Variants in PCDHGB3 observed in about 807,000 individuals in gnomAD.
PCDHGB3 encodes protocadherin gamma subfamily B, 3.
PCDHGB3 carries 40 observed loss-of-function variants against 59.2 expected under a neutral mutation model. The observed-to-expected ratio is 0.68, with a 90% CI of 0.52 to 0.88. The LOEUF is 0.88. Among genes scored for constraint, PCDHGB3 ranks in the 40% least tolerant of loss-of-function variants. The pLI is 0.00. For synonymous variants in PCDHGB3, 581 were observed against 503.6 expected (o/e 1.15, Z -2.06); for missense variants, 1,309 against 1,187.9 (o/e 1.10, Z -1.50).
At chr5:141,373,075 G>T (rs1337771380) in intron 1 of PCDHGB3, among the ~76,000 whole-genome samples, 1 of 152,076 alleles carries the variant, frequency 6.6e-6, no homozygotes, top group Non-Finnish European at 1.5e-5. Flanking sequence ...TTTTAATACA[G>T]TATTATCTCA....
intron 1 of PCDHGB3, chr5:141,388,052 C>T (rs777475213): frequency 7.2e-7 from 1 of 1,394,236 alleles, no homozygotes; most frequent in Non-Finnish European, 9.8e-7. Flanking sequence ...ACCTGGGGTT[C>T]AGCGTCCAGG....
At chr5:141,410,005 C>T (rs1009148964) in intron 1 of PCDHGB3, 16 of 1,613,172 alleles carry the variant, frequency 9.9e-6, no homozygotes, top group Non-Finnish European at 1.3e-5. Context: ...CGGGACACAA[C>T]GCCTGGCTGT....
intron 1 of PCDHGB3, chr5:141,423,577 G>A (rs1348410879): frequency 6.2e-7 from 1 of 1,613,478 alleles, no homozygotes; most frequent in Non-Finnish European, 8.5e-7. Context: ...CATCAGCCAG[G>A]AGAGCTGTGA....
intron 1 of PCDHGB3, chr5:141,433,307 C>T (rs982853368): frequency 2.2e-6 from 2 of 913,640 alleles, no homozygotes; most frequent in Admixed American, 2.7e-5. Context: ...AATTATCCCA[C>T]CTTTGCCTCC....
intron 1 of PCDHGB3, chr5:141,428,732 T>C (rs976924838): frequency 1.3e-5 from 2 of 159,284 alleles, no homozygotes; most frequent in African/African-American, 4.8e-5. Context: ...CTTAAACATA[T>C]TATATCTACT....
rs2154584583 is a variant in PCDHGB3, at chr5:141,490,717, A to G, written c.2416-4090A>G. The G allele has an allele frequency of 6.2e-7, 1 of 1,613,972 alleles. No individual in the cohort carries two copies. Among genetic ancestry groups the G allele is most frequent in the Non-Finnish European group, 8.5e-7 (1 of 1,179,936 alleles). On this transcript the variant is annotated intron_variant, in intron 1 of 3. Coordinates refer to ENST00000576222, the MANE Select transcript of PCDHGB3 (RefSeq NM_018924.5). The surrounding 1 kb of genome is among the most constrained non-coding windows in gnomAD (Gnocchi z 5.4). ...GGATAATGCCCGCCTCACCTACTCC[A>G]TTGTAGGAAATCAGGTTCAGGGAGC...
At chr5:141,428,020 C>A (rs1443722620) in intron 1 of PCDHGB3, 1 of 1,605,408 alleles carries the variant, frequency 6.2e-7, no homozygotes, top group Admixed American at 1.7e-5. Context: ...GTGCCACGCG[C>A]CGCAGAGTCC....
intron 1 of PCDHGB3, chr5:141,422,851 C>A (rs1459531183): frequency 1.2e-6 from 2 of 1,614,122 alleles, no homozygotes; most frequent in African/African-American, 1.3e-5. Flanking sequence ...CGGGGACCCG[C>A]CCCTCAGCAG....
chr5:141,408,442 G>A lies in PCDHGB3; in HGVS notation c.2415+35633G>A, dbSNP rs774397781. On this transcript the variant is annotated intron_variant, in intron 1 of 3. Transcript: ENST00000576222. ...AGCTGCACTTCAGCGTAGACGCGGA[G>A]AGCGGGGACTTACTTGTGAAGAACC... is the stretch of plus-strand genomic sequence containing the variant. 8.7e-6 allele frequency: 14 copies of A among 1,614,080 alleles called. 1 individual carries two copies. The South Asian group carries it at 1.5e-4, about 18-fold the overall frequency.
Position 141,489,779 on chromosome 5 carries a change from T to C in PCDHGB3, c.2416-5028T>C, listed in dbSNP as rs1269302289. 1.9e-6 allele frequency: 3 copies of C among 1,614,168 alleles called. No homozygotes were observed. Among genetic ancestry groups the C allele is most frequent in the Non-Finnish European group, 2.5e-6 (3 of 1,179,996 alleles). On this transcript the variant is annotated intron_variant, in intron 1 of 3. Coordinates refer to ENST00000576222, the MANE Select transcript of PCDHGB3 (RefSeq NM_018924.5). The surrounding 1 kb of genome is among the most constrained non-coding windows in gnomAD (Gnocchi z 4.5). ...CTAAGCCCCAACAGCCACTTCTCTC[T>C]GAATGTGAAGACCCTAAAAGATGGG...
Position 141,486,427 on chromosome 5 carries a change from A to G in PCDHGB3, c.2416-8380A>G. On this transcript the variant is annotated intron_variant, in intron 1 of 3. Transcript: ENST00000576222. This position sits in a 1 kb window ranked among gnomAD's most constrained non-coding sequence, Gnocchi z 5.0. ...CTGGACCCTTGGATCGAGAGGCCAA[A>G]TCTAGCTATGACATCATGGTCACTG... The G allele has an allele frequency of 6.2e-7, 1 of 1,614,160 alleles. No homozygotes were observed. Among genetic ancestry groups the G allele is most frequent in the Non-Finnish European group, 8.5e-7 (1 of 1,180,016 alleles).
chr5:141,392,977 AC>A (rs1561639344), intron 1 of PCDHGB3: 1 of 1,613,678 alleles, frequency 6.2e-7, no homozygotes, highest in South Asian at 1.1e-5. Flanking sequence ...CTGGGGCTGG[AC>A]CCCCGGAAGC....
At chr5:141,411,958 GAT>G (rs1485546812) in intron 1 of PCDHGB3, 1 of 152,192 alleles carries the variant, frequency 6.6e-6, no homozygotes, top group African/African-American at 2.4e-5. Flanking sequence ...GAAGAAAAAA[GAT>G]AAAATCTTTG....
In PCDHGB3 at chr5:141,486,157, A is replaced by C. The variant is rs1562110580; in HGVS notation, c.2416-8650A>C. On this transcript the variant is annotated intron_variant, in intron 1 of 3. Transcript: ENST00000576222. This position sits in a 1 kb window ranked among gnomAD's most constrained non-coding sequence, Gnocchi z 5.0. ...TGCGGGCTCGCGATGGGGGTTCTCC[A>C]GCCATGGAGCAACATTGCAGCCTTC... 10 of 1,614,208 alleles carry C rather than the reference A, an allele frequency of 6.2e-6. No individual in the cohort carries two copies. The highest frequency in any genetic ancestry group is 8.5e-6 in the Non-Finnish European group (10 of 1,180,028).
Position 141,404,160 on chromosome 5 carries a change from G to A in PCDHGB3, c.2415+31351G>A, listed in dbSNP as rs1308529085. On this transcript the variant is annotated intron_variant, in intron 1 of 3. Coordinates refer to ENST00000576222, the MANE Select transcript of PCDHGB3 (RefSeq NM_018924.5). The stretch of plus-strand genomic sequence containing the variant: ...GAAAATTCAGAAGAAGATTATTACA[G>A]ATTGTTGACGGCCCAAATTCTTGAC... The A allele has an allele frequency of 3.1e-6, 5 of 1,613,054 alleles. No homozygotes were observed. In the Admixed American group the frequency reaches 6.7e-5, roughly 22 times the overall value.
intron 1 of PCDHGB3, chr5:141,394,749 G>C (rs1270810324): frequency 1.2e-6 from 2 of 1,613,424 alleles, no homozygotes; most frequent in Admixed American, 1.7e-5. Context: ...CGTGGTGGCC[G>C]TCCAGGACCA....
rs1430298222 is a variant in PCDHGB3, at chr5:141,476,741, A to C, written c.2416-18066A>C. ...CGCCCTGGACCGAGAACGGGAGCCTAGTCTCCAGTTAGTGCTGACGGCGTT... is the reference window on the plus strand; with the variant it reads ...CGCCCTGGACCGAGAACGGGAGCCTCGTCTCCAGTTAGTGCTGACGGCGTT... On this transcript the variant is annotated intron_variant, in intron 1 of 3. Coordinates refer to ENST00000576222, the MANE Select transcript of PCDHGB3 (RefSeq NM_018924.5). The surrounding 1 kb of genome is among the most constrained non-coding windows in gnomAD (Gnocchi z 7.6). 1 of 1,613,936 alleles carries C rather than the reference A, an allele frequency of 6.2e-7. No homozygotes were observed. Among genetic ancestry groups the C allele is most frequent in the South Asian group, 1.1e-5 (1 of 91,088 alleles).
rs770630741 is a variant in PCDHGB3, at chr5:141,381,826, C to CTTTTTT, written c.2415+9034_2415+9039dup. Among the ~76,000 whole-genome samples, 197 of 74,234 alleles carry CTTTTTT rather than the reference C, an allele frequency of 2.7e-3. 2 individuals carry two copies. Among genetic ancestry groups the CTTTTTT allele is most frequent in the African/African-American group, 3.6e-3 (59 of 16,186 alleles). The allele number at this position is 74,234 out of a possible 152,430, so 48.7% of individuals were successfully genotyped here. A position where few individuals can be genotyped will look rare whatever the true frequency, so the allele number is the denominator to read the frequency against. On this transcript the variant is annotated intron_variant, in intron 1 of 3. Coordinates refer to ENST00000576222, the MANE Select transcript of PCDHGB3 (RefSeq NM_018924.5). ...TTTCTTTCTTTCTTTCTTTCTTCTT[C>CTTTTTT]TTTTTTTTTTTTTTTTTTTTTTGGC...
At chr5:141,375,723 C>G in intron 1 of PCDHGB3, 1 of 1,614,274 alleles carries the variant, frequency 6.2e-7, no homozygotes, top group Non-Finnish European at 8.5e-7. Context: ...AGCAACGTGT[C>G]ACTGAGCCTG....
Sources: gnomAD v4.1 joint callset for allele counts (sites outside exome capture counted in the v4.1 genomes callset) on GRCh38, gnomAD v4.1.1 for gene constraint, Gnocchi (gnomAD v3.1) non-coding constraint, MANE v1.5 for transcripts, NCBI Gene and HGNC (gene_info 2026-07-23, HGNC 2026-07-21) for gene names.